The following ANKS6 variants were observed in gnomAD, a reference collection of about 807,000 sequenced individuals.
The protein encoded by ANKS6 is ankyrin repeat and SAM domain-containing protein 6.
A neutral mutation model predicts 77.9 loss-of-function variants in ANKS6; 47 were observed. That is an observed-to-expected ratio of 0.60 (90% CI 0.48 to 0.77). The LOEUF (loss-of-function observed/expected upper bound fraction) is 0.77, where lower values mean the gene tolerates loss of function less well. ANKS6 is among the 30% of genes least tolerant of loss of function. The probability of loss-of-function intolerance (pLI) is 0.00; values close to 1 mark genes in which losing one functional copy is unlikely to be tolerated. For missense variants in ANKS6, 1,150 were observed against 1,159.1 expected, an observed-to-expected ratio of 0.99 and a Z score of 0.11; for synonymous variants, 488 against 501.7, an observed-to-expected ratio of 0.97 and a Z score of 0.37.
In ANKS6 at chr9:98,746,385, G is replaced by T. The variant is rs1253862473; in HGVS notation, c.2395-710C>A. Among the ~76,000 whole-genome samples, 3 of 152,198 alleles carry T rather than the reference G, an allele frequency of 2.0e-5. No homozygotes were observed. The East Asian group carries it at 5.8e-4, about 29-fold the overall frequency. ...GGACAACAATGGCCTCTGGCATGGG[G>T]GTCCACACCTGGCAGGATCCAATCC... On this transcript the variant is annotated intron_variant, in intron 13 of 14. Transcript: ENST00000353234.
intron 10 of ANKS6, among the ~76,000 whole-genome samples, chr9:98,769,650 C>T (rs1564201789): frequency 1.3e-5 from 2 of 152,156 alleles, no homozygotes; most frequent in African/African-American, 2.4e-5. Flanking sequence ...GCACGTGGTT[C>T]CAAGAACAGG....
chr9:98,761,602 G>A (rs1256865516), intron 11 of ANKS6, among the ~76,000 whole-genome samples: 1 of 152,180 alleles, frequency 6.6e-6, no homozygotes, highest in Non-Finnish European at 1.5e-5. Flanking sequence ...TTTTGGCACT[G>A]TGAGATACAC....
chr9:98,735,938 G>T lies in ANKS6; in HGVS notation c.*581C>A, dbSNP rs552005239. On this transcript the variant is annotated 3_prime_UTR_variant, in exon 15 of 15. Transcript: ENST00000353234. The stretch of plus-strand genomic sequence containing the variant: ...TCTGAGAGGTGACTTGGACTAGGAG[G>T]GGCAAGTTAGAAGTTTTAAGGGAAG... 2 of 1,230,424 alleles carry T rather than the reference G, an allele frequency of 1.6e-6. No homozygotes were observed. The highest frequency in any genetic ancestry group is 8.3e-5 in the Admixed American group (2 of 23,990). The allele number at this position is 1,230,424 out of a possible 1,614,324, so 76.2% of individuals were successfully genotyped here.
At chr9:98,739,983 C>T (rs915667425) in intron 14 of ANKS6, among the ~76,000 whole-genome samples, 16 of 152,078 alleles carry the variant, frequency 1.1e-4, no homozygotes, top group Admixed American at 6.6e-4. Flanking sequence ...TCTCGATCTC[C>T]TGACCTCGTG....
chr9:98,744,609 C>T (rs1832020367), intron 14 of ANKS6, among the ~76,000 whole-genome samples: 1 of 152,150 alleles, frequency 6.6e-6, no homozygotes, highest in African/African-American at 2.4e-5. Flanking sequence ...TTCAATATTT[C>T]TGTGCATAGT....
rs567346265 is a variant in ANKS6 at position 98,738,395 on chromosome 9, A to C, written c.2512-1772T>G. Among the ~76,000 whole-genome samples the C allele has an allele frequency of 8.1e-4, 124 of 152,296 alleles. 1 individual carries two copies. The highest frequency in any genetic ancestry group is 2.9e-3 in the African/African-American group (120 of 41,568). ...AACTCAACCAAATCAACAAGAAAAA[A>C]ACAAACAATCCCATCAAAAAGTGGG... On this transcript the variant is annotated intron_variant, in intron 14 of 14. Coordinates refer to ENST00000353234, the MANE Select transcript of ANKS6 (RefSeq NM_173551.5).
intron 11 of ANKS6, among the ~76,000 whole-genome samples, chr9:98,760,194 T>G (rs1832937518): frequency 6.6e-6 from 1 of 152,190 alleles, no homozygotes; most frequent in South Asian, 2.1e-4. Context: ...CCCACACTCT[T>G]CCTGGGCATA....
At position 98,735,934 on chromosome 9, in the gene ANKS6, G is replaced by C; in HGVS notation, c.*585C>G. 8.1e-7 allele frequency: 1 copy of C among 1,230,908 alleles called. No homozygotes were observed. The highest frequency in any genetic ancestry group is 3.2e-5 in the East Asian group (1 of 31,590). The allele number at this position is 1,230,908 out of a possible 1,614,324, so 76.2% of individuals were successfully genotyped here. A position where few individuals can be genotyped will look rare whatever the true frequency, so the allele number is the denominator to read the frequency against. On this transcript the variant is annotated 3_prime_UTR_variant, in exon 15 of 15. Coordinates refer to ENST00000353234, the MANE Select transcript of ANKS6 (RefSeq NM_173551.5). ...TTCATCTGAGAGGTGACTTGGACTA[G>C]GAGGGGCAAGTTAGAAGTTTTAAGG...
chr9:98,756,659 G>T, intron 11 of ANKS6, 56 bp from the exon 12 acceptor site: 1 of 1,384,108 alleles, frequency 7.2e-7, no homozygotes, highest in Non-Finnish European at 9.5e-7. Context: ...TAGAAATGAG[G>T]AAAACAAGAC....
At position 98,796,483 on chromosome 9, in the gene ANKS6, C is replaced by T; in HGVS notation, c.9G>A (p.Glu3=). The T allele has an allele frequency of 3.0e-6, 3 of 990,190 alleles. No homozygotes were observed. The highest frequency in any genetic ancestry group is 3.6e-6 in the Non-Finnish European group (3 of 834,828). 61.3% of individuals were successfully genotyped at this position (990,190 alleles called of 1,614,324 possible). The change falls in exon 1 of 15, where the codon GAG becomes GAA. Residue 3 remains glutamate, a synonymous_variant. Transcript: ENST00000353234. ...GCTGGAAGGCCGGGGGCAGCCCGCC[C>T]TCGCCCATCGCCGCCGCCACGCGCG... is the stretch of plus-strand genomic sequence containing the variant. MG[E]GGLPPAFQLL... is the part of the protein sequence containing the mutation.
intron 2 of ANKS6, among the ~76,000 whole-genome samples, chr9:98,786,379 C>T (rs889336594): frequency 2.6e-5 from 4 of 151,636 alleles, no homozygotes; most frequent in Non-Finnish European, 4.4e-5. Flanking sequence ...GCAACCTCTG[C>T]CTCCCGGGTT....
At chr9:98,767,886 G>A (rs1415190514) in intron 11 of ANKS6, among the ~76,000 whole-genome samples, 195 bp downstream of exon 11, 1 of 152,246 alleles carries the variant, frequency 6.6e-6, no homozygotes, top group Non-Finnish European at 1.5e-5. Flanking sequence ...CAAACCTGGA[G>A]ATGTGAGGGG....
At chr9:98,759,146 G>A (rs987601366) in intron 11 of ANKS6, among the ~76,000 whole-genome samples, 1 of 151,742 alleles carries the variant, frequency 6.6e-6, no homozygotes, top group Admixed American at 6.6e-5. Context: ...CCACCAAGAG[G>A]GTACCATACA....
chr9:98,782,510 A>G lies in ANKS6; in HGVS notation c.1176T>C (p.Asn392=), dbSNP rs776931798. 1.2e-6 allele frequency: 2 copies of G among 1,614,108 alleles called. No individual in the cohort carries two copies. Among genetic ancestry groups the G allele is most frequent in the African/African-American group, 2.7e-5 (2 of 75,022 alleles). ...TCACCAGGTCAAAGGCCGTGTATCC[A>G]TTTTTTGCACGAAGAGTGACATCGG... ...QGADVTLRAK[N]GYTAFDLVML... is the part of the protein sequence containing the mutation. The change falls in exon 5 of 15, where the codon AAT becomes AAC. Residue 392 remains asparagine (N), a synonymous_variant. Transcript: ENST00000353234.
intron 12 of ANKS6, among the ~76,000 whole-genome samples, chr9:98,753,329 G>A (rs1832528159): frequency 6.6e-6 from 1 of 152,176 alleles, no homozygotes; most frequent in South Asian, 2.1e-4. Context: ...GACTTACGTT[G>A]GAACTTCAGG....
chr9:98,735,514 T>C lies in ANKS6; in HGVS notation c.*1005A>G, dbSNP rs337587. The stretch of plus-strand genomic sequence containing the variant: ...TCCCTTTTGAGGAACACAGCATTAA[T>C]AGGATGTAGACAAAATTCCAAATTT... On this transcript the variant is annotated 3_prime_UTR_variant, in exon 15 of 15. Coordinates refer to ENST00000353234, the MANE Select transcript of ANKS6 (RefSeq NM_173551.5). The C allele has an allele frequency of 0.033, 40,952 of 1,229,078 alleles. 1,785 individuals are homozygous for C. Among genetic ancestry groups the C allele is most frequent in the East Asian group, 0.25 (8,015 of 31,510 alleles). The allele number at this position is 1,229,078 out of a possible 1,614,324, so 76.1% of individuals were successfully genotyped here. A position where few individuals can be genotyped will look rare whatever the true frequency, so the allele number is the denominator to read the frequency against.
chr9:98,774,356 G>A (rs1833807399), intron 8 of ANKS6, among the ~76,000 whole-genome samples: 1 of 152,212 alleles, frequency 6.6e-6, no homozygotes, highest in African/African-American at 2.4e-5. Flanking sequence ...AGCAGATGAT[G>A]TTGGTGTGCT....
At chr9:98,785,367 A>G (rs1274704185) in intron 2 of ANKS6, among the ~76,000 whole-genome samples, 1 of 152,190 alleles carries the variant, frequency 6.6e-6, no homozygotes, top group East Asian at 1.9e-4. Flanking sequence ...CAATGCTCAT[A>G]TTTTCTTTCC....
intron 12 of ANKS6, among the ~76,000 whole-genome samples, chr9:98,752,489 A>C (rs1832485340): frequency 6.6e-6 from 1 of 151,998 alleles, no homozygotes; most frequent in Non-Finnish European, 1.5e-5. Flanking sequence ...TGCCCAATGG[A>C]CACTAGGTAG....
Sources: allele counts gnomAD v4.1 joint callset (sites outside exome capture counted in the v4.1 genomes callset), GRCh38; gene constraint gnomAD v4.1.1; transcripts MANE v1.5; gene names NCBI Gene and HGNC (gene_info 2026-07-23, HGNC 2026-07-21).